Variants in MYO1B observed in about 807,000 individuals in gnomAD.
MYO1B encodes unconventional myosin-Ib.
Under a neutral mutation model 159.7 loss-of-function variants are expected in MYO1B, and 72 were observed. The observed-to-expected ratio is 0.45, with a 90% CI of 0.37 to 0.55. The LOEUF is 0.55. Ranked by LOEUF, MYO1B falls within the 20% of genes least tolerant of loss-of-function variation. MYO1B has a pLI of 0.00. For missense variants in MYO1B, 1,062 were observed against 1,364.8 expected, an observed-to-expected ratio of 0.78 and a Z score of 3.50; for synonymous variants, 468 against 473.8, an observed-to-expected ratio of 0.99 and a Z score of 0.16.
intron 7 of MYO1B, among the ~76,000 whole-genome samples, chr2:191,357,502 T>C (rs367956126): frequency 1.3e-5 from 2 of 152,242 alleles, no homozygotes; most frequent in South Asian, 2.1e-4. Context: ...AAATTTAATA[T>C]AAACTTAAAT....
chr2:191,290,481 G>C (rs926637996), intron 2 of MYO1B, among the ~76,000 whole-genome samples: 2 of 152,194 alleles, frequency 1.3e-5, no homozygotes, highest in African/African-American at 4.8e-5. Flanking sequence ...AAATCATTTA[G>C]TGGGTTAGGG....
At chr2:191,316,051 A>G (rs1349490578) in intron 3 of MYO1B, among the ~76,000 whole-genome samples, 1 of 152,214 alleles carries the variant, frequency 6.6e-6, no homozygotes, top group Non-Finnish European at 1.5e-5. Flanking sequence ...GATAGATTGC[A>G]TATTTCCTTC....
intron 24 of MYO1B, among the ~76,000 whole-genome samples, chr2:191,406,232 G>A (rs1050886300): frequency 6.6e-6 from 1 of 152,224 alleles, no homozygotes; most frequent in African/African-American, 2.4e-5. Flanking sequence ...AGAGGATATT[G>A]TGGCTGGTTT....
chr2:191,372,879 CTTTTTTTT>C (rs34444520), intron 13 of MYO1B, among the ~76,000 whole-genome samples: 30 of 70,142 alleles, frequency 4.3e-4, no homozygotes, highest in East Asian at 4.0e-3. Flanking sequence ...GTTATATTTC[CTTTTTTTT>C]TTTTTTTTTT....
intron 17 of MYO1B, chr2:191,387,749 A>G (rs1695480531): frequency 2.6e-6 from 1 of 390,132 alleles, no homozygotes; most frequent in Non-Finnish European, 4.7e-6. Flanking sequence ...TTTTAATGGC[A>G]AGTTAAAAAA....
chr2:191,330,059 A>G (rs758252797), intron 4 of MYO1B, 30 bp downstream of exon 4: 2 of 1,588,918 alleles, frequency 1.3e-6, no homozygotes, highest in East Asian at 4.5e-5. Flanking sequence ...ACTCTGCAGA[A>G]GGTAAATGCT....
rs752372660 is a variant in MYO1B, at chr2:191,341,485, A to G, written c.371A>G (p.Tyr124Cys). 1.7e-5 allele frequency: 28 copies of G among 1,613,822 alleles called. No homozygotes were observed. The highest frequency in any genetic ancestry group is 2.2e-5 in the Non-Finnish European group (26 of 1,179,936). Residue 124 changes from tyrosine (Y) to cysteine (C), a missense_variant, in exon 5 of 31, where the codon TAT becomes TGT. Transcript: ENST00000392318. Reference sequence around the variant, plus strand: ...GAGGCCAGTAAGCTTGTCATGTCCTATGTGGCAGCTGTTTGTGGAAAAGGA... The same window carrying G: ...GAGGCCAGTAAGCTTGTCATGTCCTGTGTGGCAGCTGTTTGTGGAAAAGGA... ...KTEASKLVMS[Y>C]VAAVCGKGAE...
rs186634534 is a variant in MYO1B at position 191,425,252 on chromosome 2, A to G, written c.*1292A>G. 11 of 152,290 alleles carry G rather than the reference A, an allele frequency of 7.2e-5. No individual in the cohort carries two copies. The highest frequency in any genetic ancestry group is 2.6e-4 in the African/African-American group (11 of 41,592). The allele number at this position is 152,290 out of a possible 1,614,324, so 9.4% of individuals were successfully genotyped here. ...ATCTCTCAGAAAGGTTTTACAATCC[A>G]AACATTATATGTTCTCTGTGTAACT... is the stretch of plus-strand genomic sequence containing the variant. On this transcript the variant is annotated 3_prime_UTR_variant, in exon 31 of 31. Transcript: ENST00000392318.
At position 191,383,281 on chromosome 2, in the gene MYO1B, A is replaced by T; in HGVS notation, c.1292A>T (p.Asp431Val). 1 of 1,571,060 alleles carries T rather than the reference A, an allele frequency of 6.4e-7. No individual in the cohort carries two copies. Among genetic ancestry groups the T allele is most frequent in the South Asian group, 1.2e-5 (1 of 84,708 alleles). Residue 431 changes from aspartate to valine, a missense_variant and splice_region_variant, in exon 15 of 31, where the codon GAT becomes GTT. Physicochemically the swap from Asp to Val is radical, Grantham distance 152. Transcript: ENST00000392318. ...KEEQEEYIRE[D>V]IEWTHIDYFN... ...ATTTTGTTCTGTTTTGTCTTTTAGG[A>T]TATAGAATGGACTCACATTGACTAC...
At chr2:191,405,179 C>T (rs76413535) in intron 24 of MYO1B, among the ~76,000 whole-genome samples, 2,396 of 152,284 alleles carry the variant, frequency 0.016, 62 homozygotes, top group African/African-American at 0.054. Context: ...TCTCAGGAAA[C>T]TACTTTATTT....
At position 191,263,285 on chromosome 2, in the gene MYO1B, T is replaced by G. The variant is rs146527813; in HGVS notation, c.-9-13602T>G. The stretch of plus-strand genomic sequence containing the variant: ...CTTGCAAAATATTTGTTGTACTTAG[T>G]GTGTTCTCCCTGTCACAACGAATGT... On this transcript the variant is annotated intron_variant, in intron 1 of 30. Coordinates refer to ENST00000392318, the MANE Select transcript of MYO1B (RefSeq NM_001130158.3). 286 of 981,214 alleles carry G rather than the reference T, an allele frequency of 2.9e-4. 1 individual carries two copies. In the East Asian group the frequency reaches 0.013, roughly 44 times the overall value. The allele number at this position is 981,214 out of a possible 1,614,324, so 60.8% of individuals were successfully genotyped here.
chr2:191,286,812 A>T (rs1178961257), intron 2 of MYO1B, among the ~76,000 whole-genome samples: 1 of 152,130 alleles, frequency 6.6e-6, no homozygotes, highest in Non-Finnish European at 1.5e-5. Context: ...ATGTACCTGT[A>T]GTCCCAGGTA....
chr2:191,268,875 G>A (rs555781560), intron 1 of MYO1B, among the ~76,000 whole-genome samples: 58 of 152,314 alleles, frequency 3.8e-4, no homozygotes, highest in African/African-American at 1.4e-3. Context: ...CTGGCTGAAG[G>A]TGCTGTGGCA....
intron 13 of MYO1B, among the ~76,000 whole-genome samples, chr2:191,375,709 C>G (rs185269555): frequency 2.0e-3 from 298 of 152,060 alleles, no homozygotes; most frequent in African/African-American, 7.0e-3. Flanking sequence ...TCCTATAATC[C>G]CAGCACTTTG....
At chr2:191,279,442 A>G (rs34262638) in intron 2 of MYO1B, among the ~76,000 whole-genome samples, 57,147 of 151,178 alleles carry the variant, frequency 0.38, 11,001 homozygotes, top group Middle Eastern at 0.52. Flanking sequence ...GGGTTGGGAT[A>G]GGGCATGGGG....
At position 191,329,422 on chromosome 2, in the gene MYO1B, A is replaced by AT. The variant is rs1404422970; in HGVS notation, c.252-506dup. On this transcript the variant is annotated intron_variant, in intron 3 of 30. Coordinates refer to ENST00000392318, the MANE Select transcript of MYO1B (RefSeq NM_001130158.3). ...TAATATTTTTCAAATGTTTGAAAAG[A>AT]TTTTTTTCCCTCATATTGAAACTTC... Among the ~76,000 whole-genome samples, 3 of 151,998 alleles carry AT rather than the reference A, an allele frequency of 2.0e-5. No homozygotes were observed. In the South Asian group the frequency reaches 6.2e-4, roughly 32 times the overall value.
chr2:191,337,136 C>T (rs1691908875), intron 4 of MYO1B, among the ~76,000 whole-genome samples: 1 of 152,226 alleles, frequency 6.6e-6, no homozygotes, highest in Admixed American at 6.5e-5. Flanking sequence ...GCTCCATTAA[C>T]ATAGATAGGT....
intron 17 of MYO1B, chr2:191,387,800 A>C: frequency 3.3e-6 from 1 of 307,066 alleles, no homozygotes; most frequent in Non-Finnish European, 6.2e-6. Flanking sequence ...TTTGCAGAAA[A>C]CTCTTGTTGG....
At chr2:191,254,331 GCCT>G (rs1338412727) in intron 1 of MYO1B, among the ~76,000 whole-genome samples, 1 of 151,962 alleles carries the variant, frequency 6.6e-6, no homozygotes, top group Non-Finnish European at 1.5e-5. Flanking sequence ...TCCTGCCTCA[GCCT>G]CCCGAGTAGC....
Sources: allele counts gnomAD v4.1 joint callset (sites outside exome capture counted in the v4.1 genomes callset), GRCh38; gene constraint gnomAD v4.1.1; transcripts MANE v1.5; gene names NCBI Gene and HGNC (gene_info 2026-07-23, HGNC 2026-07-21).